Variants in CIMAP2 observed in about 807,000 individuals in gnomAD.
CIMAP2 encodes ciliary microtubule associated protein 2.
At chr1:54,837,690 T>G in the CIMAP2 span, among the ~76,000 whole-genome samples, 2 of 152,138 alleles carry the variant, frequency 1.3e-5, no homozygotes, top group Non-Finnish European at 2.9e-5. Context: ...CTCCTGCATG[T>G]GTTCATTGCC....
the CIMAP2 span, chr1:54,811,934 AC>A: frequency 6.2e-7 from 1 of 1,613,844 alleles, no homozygotes; most frequent in Non-Finnish European, 8.5e-7. Context: ...CTCATCAGGT[AC>A]CCCCTCGGCT....
the CIMAP2 span, among the ~76,000 whole-genome samples, chr1:54,819,200 G>A: frequency 1.3e-5 from 2 of 152,110 alleles, no homozygotes; most frequent in Non-Finnish European, 2.9e-5. Context: ...GGTTGTTGGC[G>A]ATCAGAGGAA....
chr1:54,837,565 C>A, the CIMAP2 span, among the ~76,000 whole-genome samples: 1 of 152,122 alleles, frequency 6.6e-6, no homozygotes, highest in Admixed American at 6.5e-5. Flanking sequence ...GGGTGAGGCG[C>A]CTCTTCTTCA....
At chr1:54,828,650 C>CT in the CIMAP2 span, among the ~76,000 whole-genome samples, 41 of 149,736 alleles carry the variant, frequency 2.7e-4, no homozygotes, top group East Asian at 3.9e-4. Flanking sequence ...TCTTTTCTTT[C>CT]TTTTTTTTTT....
the CIMAP2 span, chr1:54,811,766 C>CGGGGGGGGGGGGGGGGCCG: frequency 3.1e-6 from 4 of 1,305,190 alleles, no homozygotes; most frequent in Non-Finnish European, 4.3e-6. Flanking sequence ...GTTCTGACAG[C>CGGGGGGGGGGGGGGGGCCG]CTCCATGCCC....
the CIMAP2 span, among the ~76,000 whole-genome samples, chr1:54,822,311 G>C: frequency 2.6e-5 from 4 of 151,756 alleles, no homozygotes; most frequent in East Asian, 7.8e-4. Context: ...CATAGTACTA[G>C]AAGTCCTAGA....
the CIMAP2 span, among the ~76,000 whole-genome samples, chr1:54,806,457 A>G: frequency 1.3e-5 from 2 of 152,144 alleles, no homozygotes; most frequent in Non-Finnish European, 2.9e-5. Context: ...TGAGTTCTTT[A>G]AAACCATTTC....
At chr1:54,815,313 G>A in the CIMAP2 span, among the ~76,000 whole-genome samples, 5 of 152,238 alleles carry the variant, frequency 3.3e-5, no homozygotes, top group African/African-American at 1.2e-4. Flanking sequence ...GGCCTGGGTT[G>A]GGACATGGGA....
the CIMAP2 span, among the ~76,000 whole-genome samples, chr1:54,836,240 T>A: frequency 6.6e-6 from 1 of 151,694 alleles, no homozygotes; most frequent in African/African-American, 2.4e-5. Context: ...TCCTTCCCTC[T>A]CTCCCTCCCT....
the CIMAP2 span, among the ~76,000 whole-genome samples, chr1:54,821,894 T>TGTCTGACTGCTCTGGC: frequency 3.8e-5 from 3 of 79,344 alleles, no homozygotes; most frequent in South Asian, 3.8e-4. Flanking sequence ...TTCTTTTTTT[T>TGTCTGACTGCTCTGGC]TTTTTTTTTT....
the CIMAP2 span, among the ~76,000 whole-genome samples, chr1:54,809,966 C>T: frequency 4.6e-5 from 7 of 152,198 alleles, no homozygotes; most frequent in African/African-American, 1.7e-4. Context: ...TGTTTGAGTC[C>T]CCAAAGCTCA....
the CIMAP2 span, among the ~76,000 whole-genome samples, chr1:54,817,412 C>T: frequency 1.3e-5 from 2 of 152,168 alleles, no homozygotes; most frequent in African/African-American, 4.8e-5. Context: ...GTTGAAAACC[C>T]TTGGTAAGGA....
the CIMAP2 span, among the ~76,000 whole-genome samples, chr1:54,818,072 C>T: frequency 1 from 152,363 of 152,380 alleles, 76,173 homozygotes; most frequent in Non-Finnish European, 1. Context: ...AATATGGTTG[C>T]TGAGAAGTCT....
the CIMAP2 span, chr1:54,811,765 G>GCCGGGGGGGGGGGGGGCCCCGCCCCCC: frequency 7.7e-7 from 1 of 1,301,332 alleles, no homozygotes; most frequent in Non-Finnish European, 1.1e-6. Flanking sequence ...GGTTCTGACA[G>GCCGGGGGGGGGGGGGGCCCCGCCCCCC]CCTCCATGCC....
chr1:54,816,848 G>A, the CIMAP2 span: 1 of 1,145,332 alleles, frequency 8.7e-7, no homozygotes, highest in Non-Finnish European at 1.2e-6. Context: ...CTCGGGGTTG[G>A]GACCTCAACA....
the CIMAP2 span, chr1:54,811,767 C>CGGGGGGGGCGGGGGGGGGGGG: frequency 9.2e-7 from 1 of 1,088,170 alleles, no homozygotes; most frequent in Non-Finnish European, 1.4e-6. Flanking sequence ...TTCTGACAGC[C>CGGGGGGGGCGGGGGGGGGGGG]TCCATGCCCC....
the CIMAP2 span, among the ~76,000 whole-genome samples, chr1:54,810,252 A>G: frequency 6.6e-6 from 1 of 152,054 alleles, no homozygotes; most frequent in African/African-American, 2.4e-5. Flanking sequence ...AAGGTTGTGG[A>G]TTTTGGAGTT....
At chr1:54,817,727 T>A in the CIMAP2 span, among the ~76,000 whole-genome samples, 2 of 150,358 alleles carry the variant, frequency 1.3e-5, no homozygotes, top group Non-Finnish European at 3.0e-5. Context: ...ATCCAGTATT[T>A]TTTTTTTTTT....
At chr1:54,811,765 G>GCCGGGGGGGGGGCCCCCCCC in the CIMAP2 span, 45 of 1,301,232 alleles carry the variant, frequency 3.5e-5, no homozygotes, top group East Asian at 7.4e-5. Flanking sequence ...GGTTCTGACA[G>GCCGGGGGGGGGGCCCCCCCC]CCTCCATGCC....
Sources: allele counts gnomAD v4.1 joint callset (sites outside exome capture counted in the v4.1 genomes callset), GRCh38; gene constraint gnomAD v4.1.1; transcripts MANE v1.5; gene names NCBI Gene and HGNC (gene_info 2026-07-23, HGNC 2026-07-21).